Variants in CAMSAP1 observed in about 807,000 individuals in gnomAD.
CAMSAP1 encodes calmodulin-regulated spectrin-associated protein 1.
A neutral mutation model predicts 143.5 loss-of-function variants in CAMSAP1; 58 were observed. That is an observed-to-expected ratio of 0.40 (90% CI 0.33 to 0.50). The LOEUF (loss-of-function observed/expected upper bound fraction) is 0.50. Ranked by LOEUF, CAMSAP1 falls within the 20% of genes least tolerant of loss-of-function variation. The pLI, the probability that CAMSAP1 is intolerant of heterozygous loss-of-function variation, is 0.45. For missense variants in CAMSAP1, 1,969 were observed against 2,115.7 expected (o/e 0.93, Z 1.36); for synonymous variants, 945 against 859.3 (o/e 1.10, Z -1.74).
intron 7 of CAMSAP1, among the ~76,000 whole-genome samples, chr9:135,833,948 G>A (rs981292498): frequency 2.6e-5 from 4 of 152,154 alleles, no homozygotes; most frequent in African/African-American, 9.7e-5. Flanking sequence ...CATAAGTAAC[G>A]CAACTCAATC....
At chr9:135,860,666 T>G (rs1837154945) in intron 5 of CAMSAP1, among the ~76,000 whole-genome samples, 1 of 151,160 alleles carries the variant, frequency 6.6e-6, no homozygotes, top group Non-Finnish European at 1.5e-5. Context: ...ACAGCACATC[T>G]GAAGACCCCA....
chr9:135,898,192 C>T (rs1269695420), intron 1 of CAMSAP1, among the ~76,000 whole-genome samples: 1 of 152,184 alleles, frequency 6.6e-6, no homozygotes, highest in Non-Finnish European at 1.5e-5. Flanking sequence ...AGTAGAGGTC[C>T]TCCTGGGATG....
intron 3 of CAMSAP1, among the ~76,000 whole-genome samples, chr9:135,880,556 GAA>G (rs1267808471): frequency 6.6e-6 from 1 of 151,216 alleles, no homozygotes; most frequent in African/African-American, 2.5e-5. Context: ...AACTGTCTTA[GAA>G]AAAGTCGAAA....
At chr9:135,836,954 CCA>C (rs58020636) in intron 7 of CAMSAP1, 4 of 981,858 alleles carry the variant, frequency 4.1e-6, no homozygotes, top group Non-Finnish European at 3.6e-6. Flanking sequence ...ACACACGTCA[CCA>C]CACACTTTCT....
chr9:135,858,349 G>A (rs947333437), intron 5 of CAMSAP1, among the ~76,000 whole-genome samples: 11 of 151,648 alleles, frequency 7.3e-5, no homozygotes, highest in African/African-American at 1.5e-4. Flanking sequence ...TTACTTCTAC[G>A]TTCTTTTTCT....
chr9:135,824,854 G>A lies in CAMSAP1; in HGVS notation c.1250C>T (p.Pro417Leu). ...YLGKGTAAFS[P>L]SHPLLPLRQK... ...TCTCAGTGGCAATAAAGGATGGGAT[G>A]GGCTGAAGGCAGCAGTTCCTTTCCC... Residue 417 changes from proline (P) to leucine (L), a missense_variant, in exon 9 of 17, where the codon CCA (proline) becomes CTA (leucine). By Grantham distance (98) the Pro-to-Leu change is moderately conservative. Around this residue, in one of 4 missense-constraint regions of CAMSAP1, gnomAD observed 1,390 missense variants for 1,420.8 expected, o/e 0.98. Transcript: ENST00000389532. This position sits in a 1 kb window ranked among gnomAD's most constrained non-coding sequence, Gnocchi z 4.1. 1.2e-6 allele frequency: 2 copies of A among 1,601,804 alleles called. No individual in the cohort carries two copies. The highest frequency in any genetic ancestry group is 1.7e-6 in the Non-Finnish European group (2 of 1,174,100).
intron 3 of CAMSAP1, among the ~76,000 whole-genome samples, chr9:135,876,484 C>T (rs369982046): frequency 4.6e-5 from 7 of 152,260 alleles, no homozygotes; most frequent in South Asian, 2.1e-4. Context: ...AACATTAAAA[C>T]GACAATGAGC....
At chr9:135,884,054 C>T (rs1419493337) in intron 1 of CAMSAP1, among the ~76,000 whole-genome samples, 4 of 152,276 alleles carry the variant, frequency 2.6e-5, no homozygotes, top group Non-Finnish European at 4.4e-5. Flanking sequence ...AGACGGAGGA[C>T]GAGGGATGTC....
At chr9:135,842,791 T>C (rs1393531387) in intron 7 of CAMSAP1, among the ~76,000 whole-genome samples, 1 of 152,180 alleles carries the variant, frequency 6.6e-6, no homozygotes, top group East Asian at 1.9e-4. Context: ...AAGCAAATGC[T>C]GAGAGATTTT....
chr9:135,893,307 GAAAGA>G (rs747141148), intron 1 of CAMSAP1, among the ~76,000 whole-genome samples: 29 of 142,500 alleles, frequency 2.0e-4, no homozygotes, highest in African/African-American at 6.7e-4. Context: ...AAGGCAGGAA[GAAAGA>G]AAAGAAAAGG....
At chr9:135,835,598 A>G (rs1023040396) in intron 7 of CAMSAP1, among the ~76,000 whole-genome samples, 1 of 152,214 alleles carries the variant, frequency 6.6e-6, no homozygotes, top group African/African-American at 2.4e-5. Flanking sequence ...CCAAGAAAGG[A>G]TGACTGGTTG....
At chr9:135,815,688 G>A (rs1012572266) in intron 15 of CAMSAP1, among the ~76,000 whole-genome samples, 2 of 152,258 alleles carry the variant, frequency 1.3e-5, no homozygotes, top group Admixed American at 6.5e-5. Context: ...TGACCAGGAG[G>A]GCAAGGCAGG....
Position 135,818,866 on chromosome 9 carries a change from C to T in CAMSAP1, c.3959+144G>A, listed in dbSNP as rs1470426399. ...AAGATCAGCAGGGGCCGTGAAAGTT[C>T]GGGGAGGTGGTCCATGGGAGGAGTA... On this transcript the variant is annotated intron_variant, in intron 12 of 16. Coordinates refer to ENST00000389532, the MANE Select transcript of CAMSAP1 (RefSeq NM_015447.4). The surrounding 1 kb of genome is among the most constrained non-coding windows in gnomAD (Gnocchi z 7.7). The T allele has an allele frequency of 5.2e-6, 7 of 1,341,186 alleles. No homozygotes were observed. In the African/African-American group the frequency reaches 5.8e-5, roughly 11 times the overall value. The allele number at this position is 1,341,186 out of a possible 1,614,324, so 83.1% of individuals were successfully genotyped here.
chr9:135,856,314 G>A (rs1836968342), intron 5 of CAMSAP1, among the ~76,000 whole-genome samples: 1 of 152,130 alleles, frequency 6.6e-6, no homozygotes, highest in African/African-American at 2.4e-5. Flanking sequence ...CAAGCTAAAT[G>A]GGTTTCCCCT....
intron 1 of CAMSAP1, among the ~76,000 whole-genome samples, chr9:135,886,612 A>G (rs180678338): frequency 6.6e-6 from 1 of 152,360 alleles, no homozygotes; most frequent in Admixed American, 6.5e-5. Context: ...ATCTGTCAGC[A>G]GAGCGAGACA....
At position 135,892,060 on chromosome 9, in the gene CAMSAP1, A is replaced by G. The variant is rs562018403; in HGVS notation, c.161-8982T>C. ...ATGAGACGATGTCAAAAGTTCCAAC[A>G]CTGTCGGTAGAGAAAAGGTTGATGC... is the stretch of plus-strand genomic sequence containing the variant. On this transcript the variant is annotated intron_variant, in intron 1 of 16. Coordinates refer to ENST00000389532, the MANE Select transcript of CAMSAP1 (RefSeq NM_015447.4). 2.8e-3 allele frequency among the ~76,000 whole-genome samples: 423 copies of G among 152,364 alleles called. 2 individuals carry two copies. The highest frequency in any genetic ancestry group is 9.7e-3 in the African/African-American group (402 of 41,584).
Position 135,850,172 on chromosome 9 carries a change from A to T in CAMSAP1, c.1010T>A (p.Phe337Tyr). The T allele has an allele frequency of 6.2e-7, 1 of 1,612,284 alleles. No individual in the cohort carries two copies. The highest frequency in any genetic ancestry group is 8.5e-7 in the Non-Finnish European group (1 of 1,179,256). ...CTCCTGAACATCCCTGGGCTGAACAAAATCTGGCTTGACATTCTCGAACCA... is the reference window on the plus strand; with the variant it reads ...CTCCTGAACATCCCTGGGCTGAACATAATCTGGCTTGACATTCTCGAACCA... ...FWWFENVKPD[F>Y]VQPRDVQELK... Residue 337 changes from phenylalanine (F) to tyrosine (Y), a missense_variant, in exon 7 of 17, where the codon TTT (phenylalanine) becomes TAT (tyrosine). Transcript: ENST00000389532.
intron 16 of CAMSAP1, among the ~76,000 whole-genome samples, chr9:135,812,285 C>T (rs1036196924): frequency 2.0e-5 from 3 of 152,198 alleles, no homozygotes; most frequent in South Asian, 2.1e-4. Context: ...CAGCAGATGA[C>T]GAGATGAACA....
At chr9:135,866,248 C>T in intron 4 of CAMSAP1, 1 of 531,128 alleles carries the variant, frequency 1.9e-6, no homozygotes, top group African/African-American at 1.9e-5. Context: ...ATACAAAACA[C>T]CCCTTCCCAG....
Sources: allele counts gnomAD v4.1 joint callset (sites outside exome capture counted in the v4.1 genomes callset), GRCh38; gene constraint gnomAD v4.1.1; regional missense constraint gnomAD v4.1.1; non-coding constraint Gnocchi (gnomAD v3.1); transcripts MANE v1.5; gene names NCBI Gene and HGNC (gene_info 2026-07-23, HGNC 2026-07-21).